The following SLC41A2 variants were observed in gnomAD, a reference collection of about 807,000 sequenced individuals.
SLC41A2 encodes the protein SLC41A1-like 1.
A neutral mutation model predicts 58.3 loss-of-function variants in SLC41A2; 32 were observed. The ratio of observed to expected loss-of-function variants is 0.55; its 90% CI spans 0.41 to 0.74. SLC41A2 has a LOEUF of 0.74. Ranked by LOEUF, SLC41A2 falls within the 30% of genes least tolerant of loss-of-function variation. The pLI is 0.00. For missense variants in SLC41A2, 514 were observed against 680.6 expected (o/e 0.76, Z 2.72); for synonymous variants, 190 against 235.0 (o/e 0.81, Z 1.75).
intron 1 of SLC41A2, among the ~76,000 whole-genome samples, chr12:104,934,048 T>C (rs2047170118): frequency 6.6e-6 from 1 of 151,688 alleles, no homozygotes; most frequent in Admixed American, 6.6e-5. Context: ...CAAAACTACT[T>C]GTACTCATAA....
At chr12:104,839,294 G>GA (rs1353144913) in intron 10 of SLC41A2, among the ~76,000 whole-genome samples, 5 of 151,848 alleles carry the variant, frequency 3.3e-5, no homozygotes, top group Non-Finnish European at 5.9e-5. Flanking sequence ...CTTTATAGCA[G>GA]AAAAAATATT....
At chr12:104,812,196 C>T (rs2041203789) in intron 10 of SLC41A2, among the ~76,000 whole-genome samples, 1 of 152,182 alleles carries the variant, frequency 6.6e-6, no homozygotes, top group African/African-American at 2.4e-5. Context: ...GTCCCCATGT[C>T]CTTTAATAGT....
At chr12:104,882,434 C>T (rs1457088447) in intron 6 of SLC41A2, among the ~76,000 whole-genome samples, 1 of 152,122 alleles carries the variant, frequency 6.6e-6, no homozygotes, top group Non-Finnish European at 1.5e-5. Context: ...TACAATTTGG[C>T]ATGTTTTTGC....
At chr12:104,957,939 C>A (rs2048231970) in intron 1 of SLC41A2, 149 bp downstream of exon 1, 1 of 151,450 alleles carries the variant, frequency 6.6e-6, no homozygotes, top group African/African-American at 2.4e-5. Context: ...GCAGGGGGCA[C>A]GGCTGCTCGG....
At chr12:104,872,108 A>G (rs960804449) in intron 6 of SLC41A2, among the ~76,000 whole-genome samples, 1 of 147,900 alleles carries the variant, frequency 6.8e-6, no homozygotes, top group South Asian at 2.1e-4. Flanking sequence ...AATAAGAAGG[A>G]AAAAAAAAAC....
intron 1 of SLC41A2, among the ~76,000 whole-genome samples, chr12:104,930,995 T>C (rs2047029140): frequency 6.6e-6 from 1 of 152,208 alleles, no homozygotes; most frequent in South Asian, 2.1e-4. Context: ...AGATGGATAC[T>C]CAACCAGGTA....
chr12:104,878,351 T>C (rs2044169041), intron 6 of SLC41A2, among the ~76,000 whole-genome samples: 1 of 148,266 alleles, frequency 6.7e-6, no homozygotes, highest in South Asian at 2.2e-4. Flanking sequence ...CTAGGGTACT[T>C]GTGCACAACG....
At chr12:104,881,069 T>C (rs2044342870) in intron 6 of SLC41A2, among the ~76,000 whole-genome samples, 1 of 152,210 alleles carries the variant, frequency 6.6e-6, no homozygotes, top group South Asian at 2.1e-4. Flanking sequence ...CAGGAATTTA[T>C]CCATTTCTTC....
intron 7 of SLC41A2, among the ~76,000 whole-genome samples, chr12:104,866,027 G>A (rs2043426848): frequency 6.6e-6 from 1 of 152,044 alleles, no homozygotes; most frequent in Non-Finnish European, 1.5e-5. Flanking sequence ...GTAGCCAATG[G>A]AATATACATT....
chr12:104,940,954 AAGTT>A (rs1427438397), intron 1 of SLC41A2, among the ~76,000 whole-genome samples: 3 of 151,482 alleles, frequency 2.0e-5, no homozygotes, highest in Admixed American at 6.6e-5. Context: ...AAAAAAAAAA[AAGTT>A]AGCTCCGAAG....
chr12:104,949,192 T>C (rs1473666778), intron 1 of SLC41A2, among the ~76,000 whole-genome samples: 1 of 152,162 alleles, frequency 6.6e-6, no homozygotes, highest in Non-Finnish European at 1.5e-5. Context: ...CACTCCAGCC[T>C]GGGTAACAAA....
At chr12:104,858,927 C>T (rs1366964207) in intron 8 of SLC41A2, among the ~76,000 whole-genome samples, 2 of 152,128 alleles carry the variant, frequency 1.3e-5, no homozygotes, top group Admixed American at 1.3e-4. Context: ...CTGAAATATG[C>T]ATTAAAGCCT....
chr12:104,947,193 T>C (rs35415215), intron 1 of SLC41A2, among the ~76,000 whole-genome samples: 4 of 112,034 alleles, frequency 3.6e-5, no homozygotes, highest in Non-Finnish European at 7.1e-5. Context: ...TTTATTTTTG[T>C]CCTTTTTTTT....
At chr12:104,895,186 T>C in intron 4 of SLC41A2, 88 bp downstream of exon 4, 1 of 882,202 alleles carries the variant, frequency 1.1e-6, no homozygotes. Flanking sequence ...AAGGGTAGAC[T>C]CATAGTACTA....
At chr12:104,878,379 C>T (rs138479479) in intron 6 of SLC41A2, among the ~76,000 whole-genome samples, 152 of 149,512 alleles carry the variant, frequency 1.0e-3, no homozygotes, top group African/African-American at 3.2e-3. Context: ...TTGTTACATA[C>T]GTATACATGT....
chr12:104,900,995 G>A (rs1362349494), intron 3 of SLC41A2, among the ~76,000 whole-genome samples: 2 of 152,248 alleles, frequency 1.3e-5, no homozygotes, highest in East Asian at 1.9e-4. Context: ...ACACAGCAGT[G>A]CTTGGCATAG....
In SLC41A2 at chr12:104,958,094, C is replaced by T; in HGVS notation, c.-174G>A. Reference sequence around the variant, plus strand: ...ACTTCCCCTCCATGGTCACCTGTTCCGGAGCGCGGCGGCGGCAGCGGCCGG... The same window carrying T: ...ACTTCCCCTCCATGGTCACCTGTTCTGGAGCGCGGCGGCGGCAGCGGCCGG... On this transcript the variant is annotated 5_prime_UTR_variant, in exon 1 of 11. Coordinates refer to ENST00000258538, the MANE Select transcript of SLC41A2 (RefSeq NM_001352171.3). 1 of 152,634 alleles carries T rather than the reference C, an allele frequency of 6.6e-6. No homozygotes were observed. Among genetic ancestry groups the T allele is most frequent in the Non-Finnish European group, 1.5e-5 (1 of 68,570 alleles). 9.5% of individuals were successfully genotyped at this position (152,634 alleles called of 1,614,324 possible).
intron 1 of SLC41A2, among the ~76,000 whole-genome samples, chr12:104,933,507 G>A (rs755968178): frequency 2.0e-4 from 31 of 152,068 alleles, no homozygotes; most frequent in Non-Finnish European, 4.6e-4. Flanking sequence ...TCTACCATTC[G>A]ATTCAGCAAT....
At chr12:104,830,843 C>A (rs1345433929) in intron 10 of SLC41A2, among the ~76,000 whole-genome samples, 2 of 152,062 alleles carry the variant, frequency 1.3e-5, no homozygotes, top group Admixed American at 6.5e-5. Flanking sequence ...TATATTAGTT[C>A]TTATGCTGGC....
Sources: gnomAD v4.1 joint callset for allele counts (sites outside exome capture counted in the v4.1 genomes callset) on GRCh38, gnomAD v4.1.1 for gene constraint, MANE v1.5 for transcripts, NCBI Gene and HGNC (gene_info 2026-07-23, HGNC 2026-07-21) for gene names.